SNX18: variants seen among roughly 807,000 people sequenced by gnomAD.
SNX18 encodes the protein sorting nexin-18.
A neutral mutation model predicts 48.7 loss-of-function variants in SNX18; 35 were observed. The observed-to-expected ratio is 0.72, with a 90% CI of 0.55 to 0.95. SNX18 has a LOEUF of 0.95. SNX18 is among the 40% of genes least tolerant of loss of function. The pLI is 0.00. For synonymous variants in SNX18, 492 were observed against 384.7 expected (o/e 1.28, Z -3.26); for missense variants, 824 against 871.0 (o/e 0.95, Z 0.68).
the SNX18 span, among the ~76,000 whole-genome samples, chr5:54,636,904 T>C: frequency 6.6e-6 from 1 of 152,222 alleles, no homozygotes; most frequent in African/African-American, 2.4e-5. Context: ...AAAACCAGTT[T>C]GCCTGTATTC....
chr5:54,623,775 G>A, the SNX18 span, among the ~76,000 whole-genome samples: 1 of 152,140 alleles, frequency 6.6e-6, no homozygotes, highest in African/African-American at 2.4e-5. Context: ...GATTGTGATG[G>A]TCTAGGCATT....
chr5:54,634,794 A>G, the SNX18 span, among the ~76,000 whole-genome samples: 5 of 152,210 alleles, frequency 3.3e-5, no homozygotes, highest in Admixed American at 3.3e-4. Context: ...TAATACATTT[A>G]TAAATATACA....
At chr5:54,605,031 G>A in the SNX18 span, among the ~76,000 whole-genome samples, 1 of 152,172 alleles carries the variant, frequency 6.6e-6, no homozygotes, top group Non-Finnish European at 1.5e-5. Context: ...ACAGAAAGGA[G>A]ACCCTCTGGT....
At chr5:54,541,189 G>A (rs1381251023) in intron 1 of SNX18, among the ~76,000 whole-genome samples, 1 of 151,848 alleles carries the variant, frequency 6.6e-6, no homozygotes, top group Non-Finnish European at 1.5e-5. Flanking sequence ...CACCACGCCC[G>A]GCTAATTTTT....
At chr5:54,621,913 T>A in the SNX18 span, among the ~76,000 whole-genome samples, 3 of 152,186 alleles carry the variant, frequency 2.0e-5, no homozygotes, top group Non-Finnish European at 4.4e-5. Context: ...GATACCTTCC[T>A]CCCATTTCAA....
At chr5:54,522,552 G>A (rs937908379) in intron 1 of SNX18, among the ~76,000 whole-genome samples, 1 of 152,010 alleles carries the variant, frequency 6.6e-6, no homozygotes, top group African/African-American at 2.4e-5. Flanking sequence ...TTCCCATATA[G>A]GCTTAATTAA....
At chr5:54,619,725 T>C in the SNX18 span, among the ~76,000 whole-genome samples, 2 of 152,140 alleles carry the variant, frequency 1.3e-5, no homozygotes, top group South Asian at 2.1e-4. Flanking sequence ...ACACAGCTCA[T>C]AGTAGAATTT....
At chr5:54,622,244 A>T in the SNX18 span, among the ~76,000 whole-genome samples, 41 of 152,364 alleles carry the variant, frequency 2.7e-4, 1 homozygote, top group African/African-American at 9.4e-4. Context: ...CACGCCAATA[A>T]TCCCAGCACT....
At chr5:54,520,729 GTCTCGC>G (rs1418240934) in intron 1 of SNX18, 1 of 167,162 alleles carries the variant, frequency 6.0e-6, no homozygotes, top group African/African-American at 2.4e-5. Flanking sequence ...GGAGACAGCA[GTCTCGC>G]TTCCTTCCTC....
Position 54,518,386 on chromosome 5 carries a change from A to T in SNX18, c.434A>T (p.Gln145Leu). The part of the protein sequence containing the change: ...PSPQQLYGGY[Q>L]ASQGSDDDWD... ...CCTCAGCAGCTCTACGGCGGCTACC[A>T]GGCCAGCCAAGGCAGCGATGATGAC... The change falls in exon 1 of 2, where the codon CAG (glutamine) becomes CTG (leucine). Residue 145 changes from glutamine (Q) to leucine (L), a missense_variant. Coordinates refer to ENST00000381410, the MANE Select transcript of SNX18 (RefSeq NM_001102575.2). The T allele has an allele frequency of 6.3e-7, 1 of 1,575,802 alleles. No homozygotes were observed. The highest frequency in any genetic ancestry group is 2.4e-5 in the East Asian group (1 of 42,100).
the SNX18 span, among the ~76,000 whole-genome samples, chr5:54,621,199 T>G: frequency 6.6e-6 from 1 of 152,226 alleles, no homozygotes; most frequent in Non-Finnish European, 1.5e-5. Context: ...CACTCTGACC[T>G]GGGTTATTGA....
At chr5:54,523,817 A>C (rs1196576122) in intron 1 of SNX18, among the ~76,000 whole-genome samples, 1 of 152,176 alleles carries the variant, frequency 6.6e-6, no homozygotes. Context: ...ACATTAATTA[A>C]AGATAGCTGG....
intron 1 of SNX18, among the ~76,000 whole-genome samples, chr5:54,533,088 T>C (rs1349873111): frequency 6.6e-6 from 1 of 152,194 alleles, no homozygotes; most frequent in Admixed American, 6.5e-5. Context: ...AAGTGATTTT[T>C]TTTCCATCAA....
the SNX18 span, among the ~76,000 whole-genome samples, chr5:54,594,445 C>G: frequency 6.6e-6 from 1 of 152,162 alleles, no homozygotes; most frequent in South Asian, 2.1e-4. Context: ...AAGGTTGGCT[C>G]TTGGATGGTG....
the SNX18 span, among the ~76,000 whole-genome samples, chr5:54,616,629 C>T: frequency 3.3e-5 from 5 of 151,878 alleles, no homozygotes; most frequent in African/African-American, 9.7e-5. Flanking sequence ...ATTAGCCAGG[C>T]GAAGTGGCAG....
At chr5:54,632,526 G>A in the SNX18 span, among the ~76,000 whole-genome samples, 1 of 152,170 alleles carries the variant, frequency 6.6e-6, no homozygotes, top group East Asian at 1.9e-4. Flanking sequence ...CAGGCTGAGT[G>A]AAGGCTGCAT....
the SNX18 span, among the ~76,000 whole-genome samples, chr5:54,632,186 G>T: frequency 6.9e-3 from 1,058 of 152,316 alleles, 9 homozygotes; most frequent in African/African-American, 0.025. Context: ...CGTTTCACCA[G>T]ACAAGAACTC....
chr5:54,546,469 T>G lies in SNX18; in HGVS notation c.*3037T>G, dbSNP rs1323322079. The G allele has an allele frequency of 1.3e-5, 2 of 152,246 alleles. No homozygotes were observed. Among genetic ancestry groups the G allele is most frequent in the Admixed American group, 1.3e-4 (2 of 15,290 alleles). The allele number at this position is 152,246 out of a possible 1,614,324, so 9.4% of individuals were successfully genotyped here. A position where few individuals can be genotyped will look rare whatever the true frequency, so the allele number is the denominator to read the frequency against. ...TTAACAGAATAAGTAAAACAGGGTA[T>G]TATTTATTTGTAGTCTAGAAATGTT... On this transcript the variant is annotated 3_prime_UTR_variant, in exon 2 of 2. Coordinates refer to ENST00000381410, the MANE Select transcript of SNX18 (RefSeq NM_001102575.2).
chr5:54,593,414 A>G, the SNX18 span, among the ~76,000 whole-genome samples: 1 of 152,204 alleles, frequency 6.6e-6, no homozygotes, highest in African/African-American at 2.4e-5. Flanking sequence ...TGACAGATAT[A>G]CCATGTTCAT....
Sources: gnomAD v4.1 joint callset for allele counts (sites outside exome capture counted in the v4.1 genomes callset) on GRCh38, gnomAD v4.1.1 for gene constraint, MANE v1.5 for transcripts, NCBI Gene and HGNC (gene_info 2026-07-23, HGNC 2026-07-21) for gene names.